Variants in EPB41L2 observed in about 807,000 individuals in gnomAD.
EPB41L2 encodes the protein erythrocyte membrane protein band 4.1 like 2.
In EPB41L2, 43 loss-of-function variants were observed where a neutral mutation model predicts 113.0. That is an observed-to-expected ratio of 0.38 (90% CI 0.30 to 0.49). The LOEUF is 0.49. Ranked by LOEUF, EPB41L2 falls within the 20% of genes least tolerant of loss-of-function variation. EPB41L2 has a pLI of 0.95. For synonymous variants in EPB41L2, 442 were observed against 436.7 expected (o/e 1.01, Z -0.15); for missense variants, 1,147 against 1,223.4 (o/e 0.94, Z 0.93).
chr6:130,970,168 A>T (rs1401934260), intron 1 of EPB41L2: 1 of 152,170 alleles, frequency 6.6e-6, no homozygotes, highest in Admixed American at 6.5e-5. Flanking sequence ...TCCCCTGACT[A>T]GTCACACTTT....
intron 4 of EPB41L2, among the ~76,000 whole-genome samples, chr6:130,924,471 C>T (rs984663531): frequency 6.6e-6 from 1 of 152,048 alleles, no homozygotes; most frequent in Non-Finnish European, 1.5e-5. Flanking sequence ...CTCTACCTCC[C>T]GGGTTCAAAC....
intron 1 of EPB41L2, among the ~76,000 whole-genome samples, chr6:130,965,328 A>G (rs1774795454): frequency 6.6e-6 from 1 of 152,220 alleles, no homozygotes; most frequent in African/African-American, 2.4e-5. Context: ...TTTGAAAAGC[A>G]GCCACGATTT....
intron 1 of EPB41L2, among the ~76,000 whole-genome samples, chr6:131,050,002 C>G (rs1221754129): frequency 6.6e-6 from 1 of 152,124 alleles, no homozygotes; most frequent in Non-Finnish European, 1.5e-5. Context: ...TTAAACTCTT[C>G]GCTCTTCTTA....
intron 15 of EPB41L2, chr6:130,868,778 G>A (rs1784715666): frequency 6.6e-6 from 1 of 152,140 alleles, no homozygotes; most frequent in Non-Finnish European, 1.5e-5. Flanking sequence ...TGCACTTAGT[G>A]ACCAAAAAGT....
At chr6:130,995,111 T>A (rs1460752502) in intron 1 of EPB41L2, among the ~76,000 whole-genome samples, 1 of 138,630 alleles carries the variant, frequency 7.2e-6, no homozygotes, top group Non-Finnish European at 1.6e-5. Flanking sequence ...CCAAGGCGGG[T>A]GGATCACGAG....
At chr6:130,868,236 A>G (rs1405481634) in intron 15 of EPB41L2, 5 of 152,888 alleles carry the variant, frequency 3.3e-5, no homozygotes, top group African/African-American at 1.2e-4. Flanking sequence ...GATGTCTTCA[A>G]GTATTACTGT....
At chr6:130,963,093 C>G (rs947603792) in intron 1 of EPB41L2, among the ~76,000 whole-genome samples, 3 of 143,320 alleles carry the variant, frequency 2.1e-5, no homozygotes, top group Non-Finnish European at 4.8e-5. Context: ...AAGAGAATCA[C>G]AGAGAAGAGG....
At chr6:130,898,657 T>C (rs1795360324) in intron 8 of EPB41L2, among the ~76,000 whole-genome samples, 1 of 152,156 alleles carries the variant, frequency 6.6e-6, no homozygotes, top group African/African-American at 2.4e-5. Context: ...TGTCTATTCA[T>C]AACTCATACC....
Position 130,946,235 on chromosome 6 carries a change from A to G in EPB41L2, c.705+8870T>C, listed in dbSNP as rs372603249. ...AAGAGAGCCTAGGCCTCAGGTCAAA[A>G]TTAACGCATGGCTTAGCAATAAACC... On this transcript the variant is annotated intron_variant, in intron 3 of 19. Coordinates refer to ENST00000337057, the MANE Select transcript of EPB41L2 (RefSeq NM_001431.4). Among the ~76,000 whole-genome samples, 4 of 152,218 alleles carry G rather than the reference A, an allele frequency of 2.6e-5. No individual in the cohort carries two copies. The South Asian group carries it at 8.3e-4, about 32-fold the overall frequency.
chr6:131,009,681 A>G (rs529781349), intron 1 of EPB41L2, among the ~76,000 whole-genome samples: 1 of 152,250 alleles, frequency 6.6e-6, no homozygotes, highest in South Asian at 2.1e-4. Flanking sequence ...ACCAAAAAAA[A>G]AAAACCAAAC....
chr6:130,932,375 T>C (rs1003780609), intron 3 of EPB41L2, among the ~76,000 whole-genome samples: 9 of 151,624 alleles, frequency 5.9e-5, no homozygotes, highest in African/African-American at 1.2e-4. Context: ...ACTACAAATA[T>C]ACATTTGTTA....
At chr6:130,990,971 C>T (rs1191491719) in intron 1 of EPB41L2, among the ~76,000 whole-genome samples, 1 of 151,538 alleles carries the variant, frequency 6.6e-6, no homozygotes, top group Non-Finnish European at 1.5e-5. Context: ...GGACTACAGG[C>T]GCATGCCACC....
At chr6:130,980,142 T>A (rs775428637) in intron 1 of EPB41L2, among the ~76,000 whole-genome samples, 4 of 152,036 alleles carry the variant, frequency 2.6e-5, no homozygotes, top group Non-Finnish European at 5.9e-5. Context: ...GCTACTAACC[T>A]CAAAGAGCAA....
intron 1 of EPB41L2, among the ~76,000 whole-genome samples, chr6:131,053,041 C>T (rs1316731331): frequency 1.3e-5 from 2 of 151,958 alleles, no homozygotes; most frequent in East Asian, 3.9e-4. Context: ...GGATTACAGG[C>T]ATGCACCACC....
At chr6:131,040,927 A>T (rs1014470872) in intron 1 of EPB41L2, among the ~76,000 whole-genome samples, 1 of 152,240 alleles carries the variant, frequency 6.6e-6, no homozygotes, top group Non-Finnish European at 1.5e-5. Flanking sequence ...AGAAAAACAA[A>T]GATTCTCCAA....
intron 11 of EPB41L2, among the ~76,000 whole-genome samples, chr6:130,888,671 C>T (rs907118588): frequency 5.3e-5 from 8 of 152,158 alleles, no homozygotes; most frequent in Non-Finnish European, 7.4e-5. Context: ...TGTATAAATT[C>T]TCTGTGGCAA....
intron 1 of EPB41L2, among the ~76,000 whole-genome samples, chr6:131,045,977 G>A (rs1197879116): frequency 1.4e-5 from 2 of 144,024 alleles, no homozygotes; most frequent in East Asian, 4.2e-4. Context: ...GATAGTGTGT[G>A]ACTCTGTCAC....
At chr6:130,883,529 A>G (rs1789962195) in intron 12 of EPB41L2, among the ~76,000 whole-genome samples, 1 of 152,248 alleles carries the variant, frequency 6.6e-6, no homozygotes, top group Non-Finnish European at 1.5e-5. Context: ...CCAGTTGTTC[A>G]CCGCAGACAA....
At chr6:130,846,501 G>A (rs1777083337) in intron 19 of EPB41L2, among the ~76,000 whole-genome samples, 1 of 152,186 alleles carries the variant, frequency 6.6e-6, no homozygotes, top group Admixed American at 6.5e-5. Flanking sequence ...AGATATTTGT[G>A]TATCTGCTGA....
Sources: gnomAD v4.1 joint callset for allele counts (sites outside exome capture counted in the v4.1 genomes callset) on GRCh38, gnomAD v4.1.1 for gene constraint, MANE v1.5 for transcripts, NCBI Gene and HGNC (gene_info 2026-07-23, HGNC 2026-07-21) for gene names.